CDH4: variants seen among roughly 807,000 people sequenced by gnomAD.
The protein encoded by CDH4 is cadherin 4.
CDH4 carries 33 observed loss-of-function variants against 86.0 expected under a neutral mutation model. The ratio of observed to expected loss-of-function variants is 0.38; its 90% CI spans 0.29 to 0.51. CDH4 has a LOEUF of 0.51. CDH4 is among the 20% of genes least tolerant of loss of function. The probability of loss-of-function intolerance (pLI) is 0.86; values close to 1 mark genes in which losing one functional copy is unlikely to be tolerated. For missense variants in CDH4, 1,114 were observed against 1,307.4 expected (o/e 0.85, Z 2.28); for synonymous variants, 555 against 549.4 (o/e 1.01, Z -0.14).
chr20:61,651,090 G>A (rs542140626), intron 2 of CDH4, among the ~76,000 whole-genome samples: 1 of 152,132 alleles, frequency 6.6e-6, no homozygotes, highest in Non-Finnish European at 1.5e-5. Context: ...CCGTGCACTG[G>A]TGTGCTCGTG....
intron 2 of CDH4, among the ~76,000 whole-genome samples, chr20:61,581,426 A>G (rs1400474033): frequency 6.6e-6 from 1 of 151,956 alleles, no homozygotes; most frequent in Non-Finnish European, 1.5e-5. Context: ...CACCTTTTCC[A>G]GCTTCTGGAG....
At chr20:61,519,800 G>A (rs994500785) in intron 2 of CDH4, among the ~76,000 whole-genome samples, 4 of 152,220 alleles carry the variant, frequency 2.6e-5, no homozygotes, top group Admixed American at 2.0e-4. Context: ...CCATTACCAC[G>A]TGGAGGAAAC....
In CDH4 at chr20:61,630,240, C is replaced by T. The variant is rs1353690278; in HGVS notation, c.170-113323C>T. 2.0e-5 allele frequency among the ~76,000 whole-genome samples: 3 copies of T among 152,190 alleles called. No homozygotes were observed. The East Asian group carries it at 5.8e-4, about 29-fold the overall frequency. ...CTTGGTGTGTGTGCAGCGCATGTTG[C>T]ATCCTCCTAACACTTCTGTACTGTG... On this transcript the variant is annotated intron_variant, in intron 2 of 15. Coordinates refer to ENST00000614565, the MANE Select transcript of CDH4 (RefSeq NM_001794.5).
At chr20:61,590,712 G>A (rs768330995) in intron 2 of CDH4, among the ~76,000 whole-genome samples, 3 of 152,140 alleles carry the variant, frequency 2.0e-5, no homozygotes, top group South Asian at 2.1e-4. Flanking sequence ...CAGTGGGCCC[G>A]AGTCAGAGAC....
intron 4 of CDH4, among the ~76,000 whole-genome samples, chr20:61,776,079 T>C (rs2145990731): frequency 6.6e-6 from 1 of 152,246 alleles, no homozygotes; most frequent in Middle Eastern, 3.4e-3. Flanking sequence ...GACCAAATCC[T>C]CCCAGACCAG....
chr20:61,651,714 A>G (rs1307903593), intron 2 of CDH4, among the ~76,000 whole-genome samples: 5 of 152,026 alleles, frequency 3.3e-5, no homozygotes, highest in Admixed American at 6.5e-5. Context: ...ATAATTCCCA[A>G]TTATTTTTTT....
intron 2 of CDH4, among the ~76,000 whole-genome samples, chr20:61,390,543 A>G (rs1305305501): frequency 1.4e-5 from 2 of 147,686 alleles, no homozygotes; most frequent in Non-Finnish European, 3.0e-5. Flanking sequence ...GGGTGCCCAT[A>G]GCGCCATGTC....
intron 2 of CDH4, among the ~76,000 whole-genome samples, chr20:61,380,615 G>A (rs1187278662): frequency 6.6e-6 from 1 of 150,388 alleles, no homozygotes; most frequent in African/African-American, 2.5e-5. Context: ...TATCTTTCGG[G>A]AGGATGAAAG....
intron 2 of CDH4, among the ~76,000 whole-genome samples, chr20:61,379,547 G>A (rs1341854485): frequency 3.9e-5 from 6 of 152,184 alleles, no homozygotes; most frequent in Non-Finnish European, 7.3e-5. Context: ...GCGGCTGCAG[G>A]GAGGTGGCCT....
At chr20:61,506,722 A>T (rs2085743748) in intron 2 of CDH4, among the ~76,000 whole-genome samples, 1 of 152,202 alleles carries the variant, frequency 6.6e-6, no homozygotes, top group African/African-American at 2.4e-5. Context: ...GTCGACCTGC[A>T]CGTTATGAGA....
intron 2 of CDH4, among the ~76,000 whole-genome samples, chr20:61,490,739 G>A (rs1053361452): frequency 6.6e-6 from 1 of 152,110 alleles, no homozygotes; most frequent in African/African-American, 2.4e-5. Context: ...GCAGTGGTGG[G>A]AGTCGGAGTG....
At chr20:61,797,034 C>A (rs1395683212) in intron 4 of CDH4, among the ~76,000 whole-genome samples, 1 of 151,546 alleles carries the variant, frequency 6.6e-6, no homozygotes, top group Admixed American at 6.6e-5. Flanking sequence ...TCCTGGGTGG[C>A]CGGGTAAGAG....
chr20:61,443,169 C>T (rs1211409465), intron 2 of CDH4, among the ~76,000 whole-genome samples: 3 of 152,340 alleles, frequency 2.0e-5, no homozygotes, highest in South Asian at 4.1e-4. Flanking sequence ...CCTCGCTTTA[C>T]CTGGAAGGCT....
chr20:61,833,107 T>G (rs1229879405), intron 4 of CDH4, among the ~76,000 whole-genome samples: 1 of 151,732 alleles, frequency 6.6e-6, no homozygotes, highest in Non-Finnish European at 1.5e-5. Context: ...CCCCCATGAG[T>G]GAGTGAACAC....
chr20:61,642,821 C>T (rs759204254), intron 2 of CDH4, among the ~76,000 whole-genome samples: 19 of 152,130 alleles, frequency 1.2e-4, no homozygotes, highest in Admixed American at 3.9e-4. Flanking sequence ...CTCGTAGCTC[C>T]TTCCCCCATC....
At chr20:61,842,609 A>G (rs1336113569) in intron 4 of CDH4, among the ~76,000 whole-genome samples, 2 of 152,246 alleles carry the variant, frequency 1.3e-5, no homozygotes, top group African/African-American at 4.8e-5. Flanking sequence ...ACATATAGAG[A>G]AGAAAACGCT....
chr20:61,724,204 G>C (rs1009105442), intron 2 of CDH4, among the ~76,000 whole-genome samples: 5 of 152,126 alleles, frequency 3.3e-5, no homozygotes, highest in Admixed American at 1.3e-4. Context: ...CCATACAGGG[G>C]GCAGGCAGGG....
intron 2 of CDH4, among the ~76,000 whole-genome samples, chr20:61,685,957 C>T (rs1002343050): frequency 6.6e-6 from 1 of 152,224 alleles, no homozygotes; most frequent in Admixed American, 6.5e-5. Context: ...CTTTCCAAAC[C>T]CCTCTCCTGC....
At chr20:61,865,289 C>G (rs941137869) in intron 6 of CDH4, among the ~76,000 whole-genome samples, 1 of 151,970 alleles carries the variant, frequency 6.6e-6, no homozygotes, top group Non-Finnish European at 1.5e-5. Flanking sequence ...AGATGATGGA[C>G]TGACTTCTTG....
Sources: gnomAD v4.1 joint callset for allele counts (sites outside exome capture counted in the v4.1 genomes callset) on GRCh38, gnomAD v4.1.1 for gene constraint, MANE v1.5 for transcripts, NCBI Gene and HGNC (gene_info 2026-07-23, HGNC 2026-07-21) for gene names.